Variants in KANSL3 observed in about 807,000 individuals in gnomAD.
The protein encoded by KANSL3 is NSL complex protein NSL3.
KANSL3 carries 16 observed loss-of-function variants against 89.2 expected under a neutral mutation model. The observed-to-expected ratio is 0.18, with a 90% CI of 0.12 to 0.27. KANSL3 has a LOEUF of 0.27. Ranked by LOEUF, KANSL3 falls within the 10% of genes least tolerant of loss-of-function variation. The pLI, the probability that KANSL3 is intolerant of heterozygous loss-of-function variation, is 1.00. For synonymous variants in KANSL3, 385 were observed against 419.7 expected, an observed-to-expected ratio of 0.92 and a Z score of 1.01; for missense variants, 879 against 1,110.6, an observed-to-expected ratio of 0.79 and a Z score of 2.96.
intron 3 of KANSL3, chr2:96,628,195 T>G (rs1196496474): frequency 7.1e-6 from 9 of 1,271,892 alleles, no homozygotes; most frequent in Non-Finnish European, 9.2e-6. Context: ...AGAGGAAAGA[T>G]GTGTACATCC....
intron 3 of KANSL3, 81 bp from the exon 4 acceptor site, chr2:96,619,843 C>A: frequency 1.8e-6 from 2 of 1,136,596 alleles, no homozygotes; most frequent in South Asian, 2.9e-5. Context: ...GAAGATTATG[C>A]CATAGTTTTA....
At chr2:96,606,889 T>C (rs2068063401) in intron 14 of KANSL3, 1 of 738,428 alleles carries the variant, frequency 1.4e-6, no homozygotes, top group Non-Finnish European at 2.0e-6. Flanking sequence ...CTGAGGCAGA[T>C]GAGAGGCAGA....
intron 14 of KANSL3, among the ~76,000 whole-genome samples, chr2:96,607,679 G>C (rs1360602584): frequency 1.3e-5 from 2 of 152,200 alleles, no homozygotes; most frequent in African/African-American, 4.8e-5. Context: ...AAACTCACAA[G>C]AGGTCTGGGT....
At chr2:96,621,052 A>G (rs534020347) in intron 3 of KANSL3, among the ~76,000 whole-genome samples, 1 of 152,278 alleles carries the variant, frequency 6.6e-6, no homozygotes, top group South Asian at 2.1e-4. Flanking sequence ...CACCCAAATG[A>G]GACCCTGGAA....
chr2:96,582,424 ACT>A, the KANSL3 span, among the ~76,000 whole-genome samples: 1 of 151,780 alleles, frequency 6.6e-6, no homozygotes, highest in South Asian at 2.1e-4. Context: ...AAAATCAATA[ACT>A]CTTTTGTAAC....
At chr2:96,616,938 T>C (rs2070257771) in intron 5 of KANSL3, among the ~76,000 whole-genome samples, 1 of 152,186 alleles carries the variant, frequency 6.6e-6, no homozygotes, top group African/African-American at 2.4e-5. Context: ...GAAATTATGC[T>C]AGCCACAGTG....
intron 11 of KANSL3, 115 bp downstream of exon 11, chr2:96,610,611 G>A (rs1379097527): frequency 8.0e-5 from 100 of 1,244,020 alleles, no homozygotes; most frequent in Non-Finnish European, 1.0e-4. Flanking sequence ...CACCGCGCCC[G>A]GCTAATGCTG....
the KANSL3 span, among the ~76,000 whole-genome samples, chr2:96,582,685 G>C: frequency 1.3e-5 from 2 of 152,152 alleles, 1 homozygote; most frequent in Admixed American, 1.3e-4. Context: ...CTTTTCTCTT[G>C]AGCATGGGTA....
At chr2:96,635,933 G>T (rs1359411409) in intron 2 of KANSL3, among the ~76,000 whole-genome samples, 2 of 151,704 alleles carry the variant, frequency 1.3e-5, no homozygotes, top group African/African-American at 4.9e-5. Flanking sequence ...GGTGGAGGTT[G>T]CAGTGAGCCA....
At chr2:96,633,323 AT>A (rs1262961148) in intron 2 of KANSL3, among the ~76,000 whole-genome samples, 2 of 152,188 alleles carry the variant, frequency 1.3e-5, no homozygotes, top group African/African-American at 2.4e-5. Flanking sequence ...TAAACCCAAC[AT>A]TTTGGGAGGC....
intron 2 of KANSL3, among the ~76,000 whole-genome samples, chr2:96,635,294 C>T (rs1009686875): frequency 1.3e-5 from 2 of 152,216 alleles, no homozygotes; most frequent in East Asian, 3.8e-4. Context: ...CCACTTATAC[C>T]CCTACTGCTA....
chr2:96,612,969 G>T, intron 6 of KANSL3, 35 bp from the exon 7 acceptor site: 1 of 1,369,142 alleles, frequency 7.3e-7, no homozygotes, highest in Non-Finnish European at 1.0e-6. Context: ...AAACCAGTGA[G>T]TGAGAAGTGT....
intron 2 of KANSL3, among the ~76,000 whole-genome samples, chr2:96,635,908 C>T (rs1261758056): frequency 6.6e-6 from 1 of 151,920 alleles, no homozygotes; most frequent in Admixed American, 6.6e-5. Context: ...GCAGGAGAAT[C>T]GCTCAAACCC....
chr2:96,636,711 CA>C (rs2074298479), intron 2 of KANSL3: 2 of 450,308 alleles, frequency 4.4e-6, no homozygotes, highest in Non-Finnish European at 7.8e-6. Context: ...TTTTCATTTG[CA>C]CGTCTTGCTT....
the KANSL3 span, among the ~76,000 whole-genome samples, chr2:96,584,625 C>A: frequency 1.3e-5 from 2 of 152,180 alleles, no homozygotes; most frequent in Non-Finnish European, 2.9e-5. Flanking sequence ...GGTGAGAACA[C>A]GCAGTATTTT....
Position 96,601,336 on chromosome 2 carries a change from G to A in KANSL3, c.2616+307C>T, listed in dbSNP as rs2067154479. On this transcript the variant is annotated intron_variant, in intron 20 of 20. Coordinates refer to ENST00000431828, the MANE Select transcript of KANSL3 (RefSeq NM_001115016.3). ...CCTCTACTCATAACCTCTGAAGGAT[G>A]AAACCAAGGATGAGAAAAAAATGAA... 3 of 985,164 alleles carry A rather than the reference G, an allele frequency of 3.0e-6. No homozygotes were observed. The Admixed American group carries it at 1.8e-4, about 61-fold the overall frequency. The allele number at this position is 985,164 out of a possible 1,614,324, so 61.0% of individuals were successfully genotyped here.
At chr2:96,624,672 C>T (rs2071969190) in intron 3 of KANSL3, among the ~76,000 whole-genome samples, 1 of 152,044 alleles carries the variant, frequency 6.6e-6, no homozygotes, top group Admixed American at 6.6e-5. Context: ...CAGGTGCCCG[C>T]CACCACGCCC....
chr2:96,621,219 T>C (rs878936639), intron 3 of KANSL3, among the ~76,000 whole-genome samples: 2 of 151,840 alleles, frequency 1.3e-5, no homozygotes, highest in African/African-American at 4.8e-5. Context: ...GAAAGAGAAA[T>C]GTAACTACAT....
At chr2:96,634,612 G>A (rs566016375) in intron 2 of KANSL3, among the ~76,000 whole-genome samples, 1 of 152,118 alleles carries the variant, frequency 6.6e-6, no homozygotes, top group African/African-American at 2.4e-5. Context: ...CAAATACTAT[G>A]CCAAACAAAC....
Sources: gnomAD v4.1 joint callset for allele counts (sites outside exome capture counted in the v4.1 genomes callset) on GRCh38, gnomAD v4.1.1 for gene constraint, MANE v1.5 for transcripts, NCBI Gene and HGNC (gene_info 2026-07-23, HGNC 2026-07-21) for gene names.